Variants in TMEM132B observed in about 807,000 individuals in gnomAD.
TMEM132B encodes the protein transmembrane protein 132B.
TMEM132B carries 18 observed loss-of-function variants against 90.8 expected under a neutral mutation model. That is an observed-to-expected ratio of 0.20 (90% confidence interval 0.14 to 0.29). The LOEUF is 0.29. Among genes scored for constraint, TMEM132B ranks in the 10% least tolerant of loss-of-function variants. The pLI is 1.00. For missense variants in TMEM132B, 1,096 were observed against 1,326.8 expected, an observed-to-expected ratio of 0.83 and a Z score of 2.70; for synonymous variants, 504 against 523.3, an observed-to-expected ratio of 0.96 and a Z score of 0.50.
rs1159560042 is a variant in TMEM132B at position 125,349,351 on chromosome 12, C to T, written c.68-101C>T. The stretch of plus-strand genomic sequence containing the variant: ...TGAGACCTGGGGGAGAAACAGTGGC[C>T]AGTGGGCGGTTTGTTGGGGAGGTGG... On this transcript the variant is annotated intron_variant, in intron 1 of 8. Transcript: ENST00000682704. The surrounding 1 kb of genome is among the most constrained non-coding windows in gnomAD (Gnocchi z 4.1). 7 of 1,293,550 alleles carry T rather than the reference C, an allele frequency of 5.4e-6. No homozygotes were observed. Among genetic ancestry groups the T allele is most frequent in the Non-Finnish European group, 6.4e-6 (6 of 938,246 alleles). The allele number at this position is 1,293,550 out of a possible 1,614,324, so 80.1% of individuals were successfully genotyped here.
rs889193989 is a variant in TMEM132B, at chr12:125,243,081, A to G, written c.67+56215A>G. Reference sequence around the variant, plus strand: ...CATATATACACACACATATACATATATACACATACATATACATATATATAT... The same window carrying G: ...CATATATACACACACATATACATATGTACACATACATATACATATATATAT... On this transcript the variant is annotated intron_variant, in intron 1 of 8. Coordinates refer to ENST00000682704, the MANE Select transcript of TMEM132B (RefSeq NM_001366854.1). 2.2e-4 allele frequency among the ~76,000 whole-genome samples: 32 copies of G among 143,284 alleles called. 1 individual carries two copies. The highest frequency in any genetic ancestry group is 7.0e-4 in the African/African-American group (27 of 38,712). The allele number at this position is 143,284 out of a possible 152,430, so 94.0% of individuals were successfully genotyped here. A position where few individuals can be genotyped will look rare whatever the true frequency, so the allele number is the denominator to read the frequency against.
intron 4 of TMEM132B, among the ~76,000 whole-genome samples, chr12:125,551,972 C>G (rs1240670874): frequency 6.6e-6 from 1 of 152,126 alleles, no homozygotes; most frequent in East Asian, 1.9e-4. Flanking sequence ...CATGAGATGA[C>G]AAATGTTTTC....
At chr12:125,438,321 T>C (rs3858694) in intron 3 of TMEM132B, among the ~76,000 whole-genome samples, 83,509 of 152,068 alleles carry the variant, frequency 0.55, 24,448 homozygotes, top group African/African-American at 0.77. Flanking sequence ...GGACTAAGAC[T>C]CTTAAAGACT....
intron 1 of TMEM132B, among the ~76,000 whole-genome samples, chr12:125,319,701 C>T (rs1163852314): frequency 3.3e-5 from 5 of 152,166 alleles, no homozygotes; most frequent in Non-Finnish European, 7.4e-5. Flanking sequence ...GTTCAATTAT[C>T]ACATAGGTCC....
intron 5 of TMEM132B, among the ~76,000 whole-genome samples, chr12:125,641,384 G>A (rs554528494): frequency 6.6e-6 from 1 of 152,312 alleles, no homozygotes; most frequent in African/African-American, 2.4e-5. Context: ...GTGAGACCAT[G>A]AAGTGAGAAA....
At chr12:125,237,700 C>T (rs1034050197) in intron 1 of TMEM132B, among the ~76,000 whole-genome samples, 1 of 152,214 alleles carries the variant, frequency 6.6e-6, no homozygotes, top group African/African-American at 2.4e-5. Context: ...CTGCCTGCCT[C>T]AGCCTCCCAA....
chr12:125,206,337 C>G (rs1026415147), intron 1 of TMEM132B, among the ~76,000 whole-genome samples: 13 of 150,548 alleles, frequency 8.6e-5, no homozygotes, highest in Non-Finnish European at 1.0e-4. Flanking sequence ...CTCCCGGGTT[C>G]ACATGATTCT....
chr12:125,395,034 C>T (rs1306068541), intron 2 of TMEM132B, among the ~76,000 whole-genome samples: 3 of 152,056 alleles, frequency 2.0e-5, no homozygotes, highest in African/African-American at 4.8e-5. Context: ...CCTCCTGAGT[C>T]TAAATTTTAA....
intron 1 of TMEM132B, among the ~76,000 whole-genome samples, chr12:125,303,323 A>G (rs971427460): frequency 6.6e-6 from 1 of 152,170 alleles, no homozygotes; most frequent in African/African-American, 2.4e-5. Flanking sequence ...CATCTATCAG[A>G]ACTTCATTCC....
At chr12:125,485,213 A>C (rs1002297908) in intron 3 of TMEM132B, among the ~76,000 whole-genome samples, 1 of 152,210 alleles carries the variant, frequency 6.6e-6, no homozygotes, top group Non-Finnish European at 1.5e-5. Context: ...TTGCTTGAGC[A>C]ACTGACTAAT....
At chr12:125,350,986 A>G (rs527970738) in intron 2 of TMEM132B, among the ~76,000 whole-genome samples, 6 of 152,212 alleles carry the variant, frequency 3.9e-5, no homozygotes, top group African/African-American at 1.2e-4. Flanking sequence ...TAGAAGCCAT[A>G]TTAGAGTTTG....
At chr12:125,516,585 G>T (rs892771883) in intron 3 of TMEM132B, among the ~76,000 whole-genome samples, 10 of 152,196 alleles carry the variant, frequency 6.6e-5, no homozygotes, top group African/African-American at 2.2e-4. Context: ...GGAGCAGGAC[G>T]TGCCCACAGT....
At position 125,525,162 on chromosome 12, in the gene TMEM132B, G is replaced by T. The variant is rs1883414668; in HGVS notation, c.1293+5537G>T. On this transcript the variant is annotated intron_variant, in intron 4 of 8. Coordinates refer to ENST00000682704, the MANE Select transcript of TMEM132B (RefSeq NM_001366854.1). ...ACACTCTAGTAGGCTTGCATACTAG[G>T]CTAGGATGTCTGATCTTTGTTCTGG... 2.0e-5 allele frequency among the ~76,000 whole-genome samples: 3 copies of T among 152,122 alleles called. No homozygotes were observed. In the South Asian group the frequency reaches 6.2e-4, roughly 32 times the overall value.
chr12:125,361,562 G>A (rs1877958882), intron 2 of TMEM132B, among the ~76,000 whole-genome samples: 1 of 152,162 alleles, frequency 6.6e-6, no homozygotes, highest in African/African-American at 2.4e-5. Context: ...AGACACAGAT[G>A]CTCTGAAATC....
At chr12:125,610,908 A>G (rs1157959902) in intron 5 of TMEM132B, among the ~76,000 whole-genome samples, 3 of 152,156 alleles carry the variant, frequency 2.0e-5, no homozygotes, top group Admixed American at 1.3e-4. Flanking sequence ...AGAATGATCC[A>G]GGAAGATTTC....
At chr12:125,217,355 C>T (rs1206309216) in intron 1 of TMEM132B, among the ~76,000 whole-genome samples, 6 of 152,146 alleles carry the variant, frequency 3.9e-5, no homozygotes, top group African/African-American at 1.2e-4. Flanking sequence ...ATTGGGGTAC[C>T]AGTACTTTTA....
chr12:125,246,270 GCCCCTCCTTT>G lies in TMEM132B; in HGVS notation c.67+59409_67+59418del, dbSNP rs2136098072. ...GCTGTCAGTGTGAGCTTAGCTGGTG[GCCCCTCCTTT>G]CCCCGCCTTCCCTGCCACAGGGAAC... On this transcript the variant is annotated intron_variant, in intron 1 of 8. Transcript: ENST00000682704. The surrounding 1 kb of genome is among the most constrained non-coding windows in gnomAD (Gnocchi z 4.2). Among the ~76,000 whole-genome samples the G allele has an allele frequency of 6.6e-6, 1 of 152,302 alleles. No individual in the cohort carries two copies. Among genetic ancestry groups the G allele is most frequent in the African/African-American group, 2.4e-5 (1 of 41,572 alleles).
chr12:125,490,052 G>T lies in TMEM132B; in HGVS notation c.1107-29387G>T, dbSNP rs764195269. The stretch of plus-strand genomic sequence containing the variant: ...TATTGTTTAGCTACATAAATTCCAC[G>T]TATGATGTTTTAGTTATGTTGGGGG... On this transcript the variant is annotated intron_variant, in intron 3 of 8. Transcript: ENST00000682704. The surrounding 1 kb of genome is among the most constrained non-coding windows in gnomAD (Gnocchi z 4.2). 1.3e-5 allele frequency among the ~76,000 whole-genome samples: 2 copies of T among 152,102 alleles called. No homozygotes were observed. Among genetic ancestry groups the T allele is most frequent in the African/African-American group, 2.4e-5 (1 of 41,412 alleles).
chr12:125,189,681 C>G (rs1189612881), intron 1 of TMEM132B, among the ~76,000 whole-genome samples: 1 of 152,106 alleles, frequency 6.6e-6, no homozygotes, highest in East Asian at 1.9e-4. Context: ...CTCCTCCCAC[C>G]GGATGCAGGG....
Sources: allele counts gnomAD v4.1 joint callset (sites outside exome capture counted in the v4.1 genomes callset), GRCh38; gene constraint gnomAD v4.1.1; non-coding constraint Gnocchi (gnomAD v3.1); transcripts MANE v1.5; gene names NCBI Gene and HGNC (gene_info 2026-07-23, HGNC 2026-07-21).